SLC71A1: variants seen among roughly 807,000 people sequenced by gnomAD.
The protein encoded by SLC71A1 is solute carrier family 71 member 1.
chr1:100,051,457 G>C, the SLC71A1 span, among the ~76,000 whole-genome samples: 1 of 150,514 alleles, frequency 6.6e-6, no homozygotes, highest in African/African-American at 2.4e-5. Context: ...AATATCAGAG[G>C]GTTTTTTTTT....
chr1:100,066,202 T>A, the SLC71A1 span, among the ~76,000 whole-genome samples: 1 of 152,222 alleles, frequency 6.6e-6, no homozygotes, highest in African/African-American at 2.4e-5. Context: ...CTAAAAAGAT[T>A]ACCAAGCTCA....
chr1:100,038,199 G>A, the SLC71A1 span: 2 of 1,540,368 alleles, frequency 1.3e-6, no homozygotes, highest in South Asian at 1.2e-5. Flanking sequence ...CCCCGGGAGT[G>A]GCTGCAGCAG....
At chr1:100,046,097 TCTCTATTGTG>T in the SLC71A1 span, among the ~76,000 whole-genome samples, 66 of 152,214 alleles carry the variant, frequency 4.3e-4, no homozygotes, top group African/African-American at 1.6e-3. Flanking sequence ...ATTTCTGGGT[TCTCTATTGTG>T]CTCTATTGTC....
At chr1:100,041,193 T>G in the SLC71A1 span, among the ~76,000 whole-genome samples, 2 of 152,224 alleles carry the variant, frequency 1.3e-5, no homozygotes, top group Non-Finnish European at 2.9e-5. Flanking sequence ...AAATAAATCC[T>G]TCTAAATGAG....
At chr1:100,067,203 G>A in the SLC71A1 span, among the ~76,000 whole-genome samples, 1 of 151,922 alleles carries the variant, frequency 6.6e-6, no homozygotes, top group Non-Finnish European at 1.5e-5. Context: ...AGGGCTCCAA[G>A]GCTTAGAAAG....
At chr1:100,060,950 G>A in the SLC71A1 span, among the ~76,000 whole-genome samples, 1 of 152,146 alleles carries the variant, frequency 6.6e-6, no homozygotes, top group Admixed American at 6.5e-5. Context: ...AGGCCCAAAG[G>A]TTTATATGGG....
the SLC71A1 span, chr1:100,081,934 A>ATT: frequency 8.6e-7 from 1 of 1,165,324 alleles, no homozygotes; most frequent in Non-Finnish European, 1.3e-6. Context: ...TAATACTAAA[A>ATT]GGTATGTAGT....
chr1:100,048,303 C>T, the SLC71A1 span, among the ~76,000 whole-genome samples: 3 of 151,990 alleles, frequency 2.0e-5, no homozygotes, highest in East Asian at 5.8e-4. Context: ...CTCAGCCTTT[C>T]TGAGTAGCTG....
chr1:100,063,959 A>G, the SLC71A1 span, among the ~76,000 whole-genome samples: 1 of 152,154 alleles, frequency 6.6e-6, no homozygotes, highest in Non-Finnish European at 1.5e-5. Flanking sequence ...ATGCCCTCAA[A>G]TGTCTTCAGT....
the SLC71A1 span, chr1:100,083,249 T>C: frequency 2.0e-5 from 3 of 152,562 alleles, no homozygotes; most frequent in Admixed American, 6.5e-5. Context: ...ACTGTTTTCA[T>C]CTTGTGTGTG....
the SLC71A1 span, chr1:100,057,928 C>G: frequency 2.6e-5 from 4 of 152,306 alleles, no homozygotes; most frequent in African/African-American, 7.2e-5. Context: ...AACTCAGTTG[C>G]CTCATATGTA....
the SLC71A1 span, chr1:100,080,406 A>C: frequency 9.8e-7 from 1 of 1,017,810 alleles, no homozygotes. Flanking sequence ...GCTTGATTTT[A>C]GATTAAGTGA....
the SLC71A1 span, chr1:100,078,698 G>T: frequency 1.8e-6 from 1 of 566,456 alleles, no homozygotes; most frequent in South Asian, 2.4e-5. Flanking sequence ...CAGATTCTAG[G>T]GTATTTATCC....
At chr1:100,081,323 G>C in the SLC71A1 span, among the ~76,000 whole-genome samples, 2 of 152,062 alleles carry the variant, frequency 1.3e-5, no homozygotes, top group African/African-American at 4.8e-5. Context: ...ACAAAGAAAT[G>C]GTAATTTATT....
chr1:100,048,189 AT>A, the SLC71A1 span, among the ~76,000 whole-genome samples: 124 of 139,748 alleles, frequency 8.9e-4, no homozygotes, highest in Admixed American at 8.6e-4. Flanking sequence ...TTTGTGGCCA[AT>A]TTTTTTTTTT....
chr1:100,063,471 G>A, the SLC71A1 span, among the ~76,000 whole-genome samples: 1 of 152,002 alleles, frequency 6.6e-6, no homozygotes, highest in East Asian at 1.9e-4. Context: ...CTACACTCCA[G>A]TCTAGGGTAC....
the SLC71A1 span, among the ~76,000 whole-genome samples, chr1:100,065,024 G>A: frequency 6.6e-6 from 1 of 151,994 alleles, no homozygotes; most frequent in Non-Finnish European, 1.5e-5. Context: ...AGCCTCCCGA[G>A]TAGCTGGGAC....
At chr1:100,039,272 G>A in the SLC71A1 span, among the ~76,000 whole-genome samples, 3 of 152,218 alleles carry the variant, frequency 2.0e-5, no homozygotes, top group African/African-American at 4.8e-5. Flanking sequence ...TACCTGAAGT[G>A]TGCAGAAATT....
chr1:100,067,065 T>C, the SLC71A1 span, among the ~76,000 whole-genome samples: 668 of 151,670 alleles, frequency 4.4e-3, 2 homozygotes, highest in Non-Finnish European at 7.7e-3. Flanking sequence ...CACAAACTTC[T>C]GGCTTCACGC....
Sources: allele counts gnomAD v4.1 joint callset (sites outside exome capture counted in the v4.1 genomes callset), GRCh38; gene constraint gnomAD v4.1.1; transcripts MANE v1.5; gene names NCBI Gene and HGNC (gene_info 2026-07-23, HGNC 2026-07-21).